FYN: variants seen among roughly 807,000 people sequenced by gnomAD.
The protein encoded by FYN is tyrosine-protein kinase Fyn.
A neutral mutation model predicts 70.2 loss-of-function variants in FYN; 10 were observed. That is an observed-to-expected ratio of 0.14 (90% CI 0.09 to 0.24). The LOEUF (loss-of-function observed/expected upper bound fraction) is 0.24, where lower values mean the gene tolerates loss of function less well. FYN is among the 10% of genes least tolerant of loss of function. The pLI is 1.00. For synonymous variants in FYN, 236 were observed against 248.6 expected (o/e 0.95, Z 0.48); for missense variants, 319 against 673.1 (o/e 0.47, Z 5.82).
chr6:111,720,080 G>C lies in FYN; in HGVS notation c.-11-18C>G, dbSNP rs781197845. The C allele has an allele frequency of 1.3e-6, 2 of 1,565,256 alleles. No homozygotes were observed. Among genetic ancestry groups the C allele is most frequent in the Middle Eastern group, 1.7e-4 (1 of 5,814 alleles). Reference sequence around the variant, plus strand: ...CTAAATTCCTGCCAAAGACAAAAAAGGGGGCACGTAAGCTGGGATGCTCCC... The same window carrying C: ...CTAAATTCCTGCCAAAGACAAAAAACGGGGCACGTAAGCTGGGATGCTCCC... On this transcript the variant is annotated intron_variant, in intron 3 of 13. Coordinates refer to ENST00000354650, the MANE Select transcript of FYN (RefSeq NM_002037.5).
chr6:111,782,838 C>A (rs1771225873), intron 2 of FYN, among the ~76,000 whole-genome samples: 1 of 152,200 alleles, frequency 6.6e-6, no homozygotes, highest in East Asian at 1.9e-4. Flanking sequence ...GAGACCACAC[C>A]AAGCTCCAGC....
intron 3 of FYN, among the ~76,000 whole-genome samples, chr6:111,762,733 G>A (rs1015196555): frequency 6.6e-6 from 1 of 151,940 alleles, no homozygotes; most frequent in Non-Finnish European, 1.5e-5. Flanking sequence ...TCTTCCCTGG[G>A]CCACACTGGA....
At chr6:111,740,538 A>G (rs190614442) in intron 3 of FYN, among the ~76,000 whole-genome samples, 246 of 152,346 alleles carry the variant, frequency 1.6e-3, no homozygotes, top group Non-Finnish European at 2.9e-3. Context: ...CCTCTATGAC[A>G]GTCAGAGTCA....
At chr6:111,872,307 G>T (rs1490675618) in intron 1 of FYN, among the ~76,000 whole-genome samples, 2 of 150,920 alleles carry the variant, frequency 1.3e-5, no homozygotes, top group Non-Finnish European at 2.9e-5. Context: ...TCCAGCGAGG[G>T]AGCCGGAAAG....
chr6:111,856,612 T>G (rs1177443271), intron 1 of FYN, among the ~76,000 whole-genome samples: 1 of 152,252 alleles, frequency 6.6e-6, no homozygotes, highest in East Asian at 1.9e-4. Flanking sequence ...AACTATTTTA[T>G]AGGTCTAACA....
At chr6:111,740,964 G>A (rs1350593956) in intron 3 of FYN, 2 of 152,060 alleles carry the variant, frequency 1.3e-5, no homozygotes, top group African/African-American at 2.4e-5. Flanking sequence ...AAATTAGCTG[G>A]GTGTGGTGGT....
intron 1 of FYN, chr6:111,858,248 G>A (rs932737647): frequency 2.6e-5 from 4 of 152,234 alleles, no homozygotes; most frequent in Non-Finnish European, 5.9e-5. Context: ...AGAGGAGGCA[G>A]GGCACCAGTG....
chr6:111,800,687 A>C (rs1008390659), intron 2 of FYN, among the ~76,000 whole-genome samples: 1 of 152,192 alleles, frequency 6.6e-6, no homozygotes, highest in Non-Finnish European at 1.5e-5. Flanking sequence ...GGATGATGCC[A>C]CAGAATTCCT....
At chr6:111,751,849 G>A (rs992143950) in intron 3 of FYN, among the ~76,000 whole-genome samples, 1 of 152,036 alleles carries the variant, frequency 6.6e-6, no homozygotes, top group Non-Finnish European at 1.5e-5. Context: ...GAACTCCTGA[G>A]CTCAAGCAAC....
intron 3 of FYN, among the ~76,000 whole-genome samples, chr6:111,743,448 TTGAG>T (rs1341844384): frequency 6.6e-6 from 1 of 152,230 alleles, no homozygotes; most frequent in Non-Finnish European, 1.5e-5. Flanking sequence ...ATGAAATACT[TTGAG>T]TAATTCTGGC....
At chr6:111,761,674 C>G (rs1274497452) in intron 3 of FYN, among the ~76,000 whole-genome samples, 2 of 152,128 alleles carry the variant, frequency 1.3e-5, no homozygotes, top group African/African-American at 4.8e-5. Flanking sequence ...AAGGGCAGAG[C>G]CTTCCGGGGC....
chr6:111,866,863 G>A (rs1484795629), intron 1 of FYN, among the ~76,000 whole-genome samples: 1 of 152,204 alleles, frequency 6.6e-6, no homozygotes, highest in Non-Finnish European at 1.5e-5. Flanking sequence ...GCTTTGATAT[G>A]TGTTTTTACC....
intron 2 of FYN, among the ~76,000 whole-genome samples, chr6:111,802,055 T>C (rs1281633527): frequency 6.6e-6 from 1 of 152,218 alleles, no homozygotes; most frequent in African/African-American, 2.4e-5. Context: ...AATACTGATA[T>C]GGTTTGGATC....
chr6:111,775,942 T>A (rs915818554), intron 3 of FYN, among the ~76,000 whole-genome samples: 1 of 152,172 alleles, frequency 6.6e-6, no homozygotes, highest in Non-Finnish European at 1.5e-5. Context: ...TGACTCAGAA[T>A]TTAGGTAAAA....
intron 13 of FYN, among the ~76,000 whole-genome samples, chr6:111,662,939 C>T (rs1797823266): frequency 6.6e-6 from 1 of 152,210 alleles, no homozygotes; most frequent in South Asian, 2.1e-4. Flanking sequence ...AAACACTGGG[C>T]TGCATAGCAC....
intron 6 of FYN, 129 bp from the exon 7 acceptor site, chr6:111,704,231 T>C (rs1799965164): frequency 4.5e-6 from 3 of 660,598 alleles, no homozygotes; most frequent in Non-Finnish European, 5.2e-6. Flanking sequence ...CCTGGATGTA[T>C]TTTTTTTCTA....
chr6:111,807,191 G>A (rs1772177573), intron 2 of FYN, among the ~76,000 whole-genome samples: 1 of 152,176 alleles, frequency 6.6e-6, no homozygotes. Flanking sequence ...ACAGTGTCTT[G>A]TATTTAGTTA....
At chr6:111,767,305 C>T (rs1803262939) in intron 3 of FYN, among the ~76,000 whole-genome samples, 1 of 152,160 alleles carries the variant, frequency 6.6e-6, no homozygotes, top group East Asian at 1.9e-4. Context: ...CATACCATGC[C>T]AGTAGAATAA....
chr6:111,860,791 T>C (rs1214920758), intron 1 of FYN, among the ~76,000 whole-genome samples: 3 of 152,178 alleles, frequency 2.0e-5, no homozygotes, highest in African/African-American at 7.2e-5. Context: ...TAGTCTTCAC[T>C]GAGTAATTCT....
Sources: allele counts gnomAD v4.1 joint callset (sites outside exome capture counted in the v4.1 genomes callset), GRCh38; gene constraint gnomAD v4.1.1; transcripts MANE v1.5; gene names NCBI Gene and HGNC (gene_info 2026-07-23, HGNC 2026-07-21).